The following SMG1 variants were observed in gnomAD, a reference collection of about 807,000 sequenced individuals.
The protein encoded by SMG1 is SMG1 nonsense mediated mRNA decay associated PI3K related kinase.
In SMG1, 22 loss-of-function variants were observed where a neutral mutation model predicts 419.9. The ratio of observed to expected loss-of-function variants is 0.05; its 90% CI spans 0.04 to 0.07. The LOEUF (loss-of-function observed/expected upper bound fraction) is 0.07, where lower values mean the gene tolerates loss of function less well. Ranked by LOEUF, SMG1 falls within the 10% of genes least tolerant of loss-of-function variation. The pLI is 1.00. For missense variants in SMG1, 3,185 were observed against 4,342.0 expected (o/e 0.73, Z 7.49); for synonymous variants, 1,538 against 1,553.5 (o/e 0.99, Z 0.23).
chr16:18,913,406 T>G (rs766499542), intron 1 of SMG1, among the ~76,000 whole-genome samples: 1 of 152,012 alleles, frequency 6.6e-6, no homozygotes, highest in African/African-American at 2.4e-5. Context: ...TAACATCAGG[T>G]TGAAATGCTA....
At chr16:18,854,247 C>T (rs994515565) in intron 30 of SMG1, among the ~76,000 whole-genome samples, 1 of 151,736 alleles carries the variant, frequency 6.6e-6, no homozygotes, top group Admixed American at 6.6e-5. Flanking sequence ...CCACCACACC[C>T]CCCTAATTTC....
At chr16:18,916,488 C>T (rs1430899876) in intron 1 of SMG1, among the ~76,000 whole-genome samples, 7 of 122,218 alleles carry the variant, frequency 5.7e-5, no homozygotes, top group African/African-American at 1.2e-4. Flanking sequence ...TGCACTCCAG[C>T]GTGGGCGACG....
In SMG1 at chr16:18,858,259, A is replaced by G; in HGVS notation, c.4145T>C (p.Leu1382Ser). The G allele has an allele frequency of 6.2e-7, 1 of 1,609,614 alleles. No individual in the cohort carries two copies. Among genetic ancestry groups the G allele is most frequent in the Non-Finnish European group, 8.5e-7 (1 of 1,178,132 alleles). The change falls in exon 29 of 63, where the codon TTA becomes TCA. Residue 1382 changes from leucine to serine, a missense_variant. Leu to Ser is a moderately radical substitution (Grantham distance 145, BLOSUM62 -2). Transcript: ENST00000446231. ...CACGTCATGCTGTTTACATGAACGT[A>G]AAGCTTCACTGAAGAGTGGAATAAG... Reference protein sequence around the residue: ...DCLIPLFSEALRSCKQHDVRP... With the variant: ...DCLIPLFSEASRSCKQHDVRP...
In SMG1 at chr16:18,829,492, A is replaced by C; in HGVS notation, c.9397T>G (p.Ser3133Ala). ...AKDFGAESKVSVDDLCKKAVE... is the reference protein window; with the variant it reads ...AKDFGAESKVAVDDLCKKAVE... ...GCTTTCTTACAGAGATCATCAACAG[A>C]AACTTTGCTTTCGGCACCAAAGTCC... Residue 3133 changes from serine to alanine, a missense_variant, in exon 54 of 63, where the codon TCT becomes GCT. By Grantham distance (99) the Ser-to-Ala change is moderately conservative. This residue lies in a region of SMG1 where 737 missense variants were observed against 846.6 expected (regional missense o/e 0.87). Transcript: ENST00000446231. The C allele has an allele frequency of 6.2e-7, 1 of 1,614,024 alleles. No homozygotes were observed. The highest frequency in any genetic ancestry group is 8.5e-7 in the Non-Finnish European group (1 of 1,179,892).
At chr16:18,899,592 G>A (rs557957594) in intron 1 of SMG1, among the ~76,000 whole-genome samples, 32 of 152,150 alleles carry the variant, frequency 2.1e-4, no homozygotes, top group Non-Finnish European at 3.4e-4. Context: ...TCAATGTCAG[G>A]CTGTTAGCAC....
intron 3 of SMG1, among the ~76,000 whole-genome samples, chr16:18,894,696 A>C (rs1396291633): frequency 1.3e-5 from 2 of 149,808 alleles, no homozygotes; most frequent in Non-Finnish European, 3.0e-5. Flanking sequence ...AAAAAAAAAA[A>C]AGTCAAAAAC....
chr16:18,810,451 T>C (rs2031276395), intron 62 of SMG1, among the ~76,000 whole-genome samples: 1 of 152,154 alleles, frequency 6.6e-6, no homozygotes, highest in Non-Finnish European at 1.5e-5. Flanking sequence ...TTAAAGCAGA[T>C]CAAGAAGTAG....
chr16:18,865,542 T>G (rs887116464), intron 23 of SMG1, among the ~76,000 whole-genome samples: 9 of 150,058 alleles, frequency 6.0e-5, no homozygotes, highest in Non-Finnish European at 1.2e-4. Context: ...TACGGTACAT[T>G]TAGTAAAAAA....
intron 33 of SMG1, among the ~76,000 whole-genome samples, chr16:18,851,802 C>G (rs772459886): frequency 6.6e-6 from 1 of 152,214 alleles, no homozygotes; most frequent in Non-Finnish European, 1.5e-5. Flanking sequence ...CTCAGCCTCC[C>G]AAAGTGCTGG....
chr16:18,892,244 A>G lies in SMG1; in HGVS notation c.523T>C (p.Phe175Leu). Reference protein sequence around the residue: ...RLATVKQLKEFIQQPENKLVL... With the variant: ...RLATVKQLKELIQQPENKLVL... Reference sequence around the variant, plus strand: ...AGCTTATTTTCTGGTTGCTGAATAAATTCTTTCAACTGCTTTACAGTAGCC... The same window carrying G: ...AGCTTATTTTCTGGTTGCTGAATAAGTTCTTTCAACTGCTTTACAGTAGCC... The change falls in exon 4 of 63, where the codon TTT becomes CTT. Residue 175 changes from phenylalanine (F) to leucine (L), a missense_variant. Transcript: ENST00000446231. 3.9e-6 allele frequency: 6 copies of G among 1,550,462 alleles called. No individual in the cohort carries two copies. Among genetic ancestry groups the G allele is most frequent in the Non-Finnish European group, 5.2e-6 (6 of 1,146,110 alleles).
chr16:18,821,484 T>A (rs1318599941), intron 55 of SMG1, among the ~76,000 whole-genome samples: 1 of 16,906 alleles, frequency 5.9e-5, no homozygotes, highest in East Asian at 6.2e-4. Flanking sequence ...AATTCCCACC[T>A]ATGAGTGAGA....
chr16:18,884,017 T>C, intron 9 of SMG1, 53 bp downstream of exon 9: 1 of 695,840 alleles, frequency 1.4e-6, no homozygotes. Context: ...TCTAGCACAA[T>C]TTAAGATTTT....
At chr16:18,827,416 ACT>A (rs1482647719) in intron 55 of SMG1, among the ~76,000 whole-genome samples, 1 of 138,786 alleles carries the variant, frequency 7.2e-6, no homozygotes, top group African/African-American at 2.7e-5. Flanking sequence ...ACAAAGCGAG[ACT>A]CTGTCTCCAA....
chr16:18,923,540 G>A (rs1377784996), intron 1 of SMG1, among the ~76,000 whole-genome samples: 1 of 151,874 alleles, frequency 6.6e-6, no homozygotes, highest in African/African-American at 2.4e-5. Context: ...GCTGAGGCAG[G>A]AGAATTTTTC....
intron 15 of SMG1, 82 bp from the exon 16 acceptor site, chr16:18,871,564 G>A: frequency 1.8e-6 from 1 of 552,588 alleles, no homozygotes; most frequent in Non-Finnish European, 3.1e-6. Flanking sequence ...TTCTTACATT[G>A]GTCTTCTCTT....
In SMG1 at chr16:18,846,270, A is replaced by G. The variant is rs145931750; in HGVS notation, c.5997-619T>C. 2.7e-4 allele frequency among the ~76,000 whole-genome samples: 41 copies of G among 152,354 alleles called. No homozygotes were observed. In the East Asian group the frequency reaches 7.7e-3, roughly 29 times the overall value. ...AGACCTAAACTTAAAAGCTAGAACTACAAAACTCTTAGAAGAAAACATAAG... is the reference window on the plus strand; with the variant it reads ...AGACCTAAACTTAAAAGCTAGAACTGCAAAACTCTTAGAAGAAAACATAAG... On this transcript the variant is annotated intron_variant, in intron 38 of 62. Coordinates refer to ENST00000446231, the MANE Select transcript of SMG1 (RefSeq NM_015092.5).
rs2033000456 is a variant in SMG1 at position 18,829,333 on chromosome 16, A to C, written c.9556T>G (p.Cys3186Gly). The change falls in exon 54 of 63, where the codon TGT (cysteine) becomes GGT (glycine). Residue 3186 changes from cysteine (C) to glycine (G), a missense_variant. Cys to Gly is a radical substitution (Grantham distance 159). Coordinates refer to ENST00000446231, the MANE Select transcript of SMG1 (RefSeq NM_015092.5). The part of the protein sequence containing the change: ...VRRLETSISS[C>G]KTSLQRVQLH... ...TGAACCCGCTGCAGGCTTGTCTTAC[A>C]AGAAGAAATACTGGTTTCTAGCCTT... The C allele has an allele frequency of 1.2e-6, 2 of 1,614,008 alleles. No individual in the cohort carries two copies. Among genetic ancestry groups the C allele is most frequent in the Non-Finnish European group, 1.7e-6 (2 of 1,179,882 alleles).
At chr16:18,918,550 GGTTTTT>G (rs896749928) in intron 1 of SMG1, among the ~76,000 whole-genome samples, 34 of 152,148 alleles carry the variant, frequency 2.2e-4, no homozygotes, top group African/African-American at 7.9e-4. Flanking sequence ...TGACCCTCCA[GGTTTTT>G]GTTTTTGTTT....
intron 55 of SMG1, 39 bp from the exon 56 acceptor site, chr16:18,819,693 A>G: frequency 6.8e-7 from 1 of 1,479,552 alleles, no homozygotes; most frequent in Non-Finnish European, 9.0e-7. Flanking sequence ...GGTATATGAC[A>G]TTCTCTACTT....
Sources: allele counts gnomAD v4.1 joint callset (sites outside exome capture counted in the v4.1 genomes callset), GRCh38; gene constraint gnomAD v4.1.1; regional missense constraint gnomAD v4.1.1; transcripts MANE v1.5; gene names NCBI Gene and HGNC (gene_info 2026-07-23, HGNC 2026-07-21).